The following CCDC92B variants were observed in gnomAD, a reference collection of about 807,000 sequenced individuals.
CCDC92B encodes the protein coiled-coil domain-containing 92B.
A neutral mutation model predicts 5.6 loss-of-function variants in CCDC92B; 2 were observed. The observed-to-expected ratio is 0.36, with a 90% CI of 0.15 to 1.12. CCDC92B has a LOEUF of 1.12. Among genes scored for constraint, CCDC92B ranks in the 50% most tolerant of loss-of-function variants. CCDC92B has a pLI of 0.40. For missense variants in CCDC92B, 271 were observed against 262.2 expected, an observed-to-expected ratio of 1.03 and a Z score of -0.23; for synonymous variants, 115 against 122.3, an observed-to-expected ratio of 0.94 and a Z score of 0.39.
At chr17:2,727,772 T>G (rs866923960) in intron 3 of CCDC92B, among the ~76,000 whole-genome samples, 1 of 148,454 alleles carries the variant, frequency 6.7e-6, no homozygotes, top group South Asian at 2.1e-4. Context: ...TGCAGTGAGC[T>G]GAGATCGCGC....
At chr17:2,732,742 G>C (rs373006554) in intron 2 of CCDC92B, among the ~76,000 whole-genome samples, 2 of 150,204 alleles carry the variant, frequency 1.3e-5, no homozygotes, top group African/African-American at 2.5e-5. Flanking sequence ...GGCCAGGCAC[G>C]GTGGCTCACG....
intron 3 of CCDC92B, among the ~76,000 whole-genome samples, chr17:2,727,473 G>A (rs934275234): frequency 6.6e-6 from 1 of 152,150 alleles, no homozygotes; most frequent in South Asian, 2.1e-4. Context: ...GTGTAGGGAC[G>A]TAGGCAGCCG....
chr17:2,742,941 C>A (rs921648761), intron 1 of CCDC92B, among the ~76,000 whole-genome samples: 1 of 152,190 alleles, frequency 6.6e-6, no homozygotes, highest in Non-Finnish European at 1.5e-5. Context: ...CATAGTCAAT[C>A]CATCTGCAAA....
intron 2 of CCDC92B, among the ~76,000 whole-genome samples, chr17:2,734,378 C>G (rs949054119): frequency 6.6e-6 from 1 of 152,080 alleles, no homozygotes. Context: ...CACCAGTTGG[C>G]CTGTGTGTCT....
intron 1 of CCDC92B, among the ~76,000 whole-genome samples, chr17:2,736,351 C>T (rs1314899359): frequency 2.0e-5 from 3 of 152,004 alleles, no homozygotes; most frequent in South Asian, 2.1e-4. Context: ...GGCTTGAACC[C>T]GGGAGGCGGA....
At chr17:2,736,473 G>A (rs1043562511) in intron 1 of CCDC92B, among the ~76,000 whole-genome samples, 1 of 151,690 alleles carries the variant, frequency 6.6e-6, no homozygotes, top group African/African-American at 2.4e-5. Flanking sequence ...TAGGCCAGCC[G>A]TGGTGGCTCA....
At chr17:2,731,587 C>T (rs1597237314) in intron 2 of CCDC92B, among the ~76,000 whole-genome samples, 1 of 152,230 alleles carries the variant, frequency 6.6e-6, no homozygotes, top group East Asian at 1.9e-4. Flanking sequence ...CCTCACTGCC[C>T]TCACCGGCTC....
intron 2 of CCDC92B, among the ~76,000 whole-genome samples, chr17:2,731,071 C>A (rs758156881): frequency 1.3e-5 from 2 of 152,316 alleles, no homozygotes; most frequent in South Asian, 4.1e-4. Context: ...CCTTCCCAAG[C>A]CCCAGTTGCG....
At position 2,724,074 on chromosome 17, in the gene CCDC92B, C is replaced by T; in HGVS notation, c.*337G>A. On this transcript the variant is annotated 3_prime_UTR_variant, in exon 4 of 4. Coordinates refer to ENST00000614400, the MANE Select transcript of CCDC92B (RefSeq NM_001355573.2). This position sits in a 1 kb window ranked among gnomAD's most constrained non-coding sequence, Gnocchi z 5.0. The stretch of plus-strand genomic sequence containing the variant: ...CCCTCCCCACCCCACCAAGGATTGT[C>T]GGCTTTCCCGGGGAAGGGCGTGGCC... 4.4e-6 allele frequency: 4 copies of T among 906,686 alleles called. No individual in the cohort carries two copies. The South Asian group carries it at 2.0e-4, about 46-fold the overall frequency. 56.2% of individuals were successfully genotyped at this position (906,686 alleles called of 1,614,324 possible). A position where few individuals can be genotyped will look rare whatever the true frequency, so the allele number is the denominator to read the frequency against.
chr17:2,749,217 A>C (rs1448495878), intron 1 of CCDC92B, among the ~76,000 whole-genome samples, 194 bp downstream of exon 1: 1 of 152,072 alleles, frequency 6.6e-6, no homozygotes, highest in African/African-American at 2.4e-5. Context: ...CGGCAGTGCC[A>C]GGCAGGGCCC....
rs527412406 is a variant in CCDC92B at position 2,749,080 on chromosome 17, G to C, written c.-24+331C>G. 2.6e-3 allele frequency among the ~76,000 whole-genome samples: 381 copies of C among 148,966 alleles called. 4 individuals carry two copies. Among genetic ancestry groups the C allele is most frequent in the South Asian group, 0.019 (93 of 4,778 alleles). On this transcript the variant is annotated intron_variant, in intron 1 of 3. Transcript: ENST00000614400. ...ATGACTCCCAGGGAAGGCAGGGGTT[G>C]GGGGGGGGATGTGGAGACTAAGGAG...
intron 2 of CCDC92B, among the ~76,000 whole-genome samples, chr17:2,731,844 T>C (rs1255697821): frequency 6.6e-6 from 1 of 152,256 alleles, no homozygotes; most frequent in African/African-American, 2.4e-5. Flanking sequence ...GGAGCAGGGA[T>C]ACCTTGGCTC....
At chr17:2,742,892 C>G (rs1281070059) in intron 1 of CCDC92B, among the ~76,000 whole-genome samples, 1 of 152,216 alleles carries the variant, frequency 6.6e-6, no homozygotes, top group East Asian at 1.9e-4. Flanking sequence ...CAGGCCAAAA[C>G]TTGGGAGTCA....
intron 1 of CCDC92B, among the ~76,000 whole-genome samples, chr17:2,741,524 C>CA (rs2070926167): frequency 6.6e-6 from 1 of 151,300 alleles, no homozygotes; most frequent in Non-Finnish European, 1.5e-5. Context: ...ACTAAAAATA[C>CA]AAAAACTACC....
rs2071013049 is a variant in CCDC92B, at chr17:2,748,405, C to T, written c.-24+1006G>A. 6 of 985,336 alleles carry T rather than the reference C, an allele frequency of 6.1e-6. No individual in the cohort carries two copies. In the South Asian group the frequency reaches 2.8e-4, roughly 46 times the overall value. 61.0% of individuals were successfully genotyped at this position (985,336 alleles called of 1,614,324 possible). The stretch of plus-strand genomic sequence containing the variant: ...GGAATCTGGGTGGCAGCTAGCACCA[C>T]AGTCTGCCATATTATCACTCTTTGT... On this transcript the variant is annotated intron_variant, in intron 1 of 3. Transcript: ENST00000614400.
intron 1 of CCDC92B, among the ~76,000 whole-genome samples, chr17:2,743,013 C>T (rs910779564): frequency 2.6e-5 from 4 of 152,218 alleles, no homozygotes; most frequent in Admixed American, 6.6e-5. Flanking sequence ...CTATCTCCAT[C>T]GTCATCACCC....
intron 1 of CCDC92B, among the ~76,000 whole-genome samples, chr17:2,740,080 T>C (rs995539274): frequency 6.6e-6 from 1 of 152,084 alleles, no homozygotes; most frequent in Non-Finnish European, 1.5e-5. Context: ...GAGGGGAACC[T>C]GCTTTAGATT....
chr17:2,741,558 A>T (rs2070926623), intron 1 of CCDC92B, among the ~76,000 whole-genome samples: 1 of 150,996 alleles, frequency 6.6e-6, no homozygotes, highest in South Asian at 2.1e-4. Flanking sequence ...GTCCACCTGT[A>T]GTCCTAGCTA....
chr17:2,736,761 A>C (rs530178350), intron 1 of CCDC92B, among the ~76,000 whole-genome samples: 1 of 151,236 alleles, frequency 6.6e-6, no homozygotes, highest in Admixed American at 6.6e-5. Context: ...GGTGCCTGTA[A>C]TCTCAGCTAC....
Sources: gnomAD v4.1 joint callset for allele counts (sites outside exome capture counted in the v4.1 genomes callset) on GRCh38, gnomAD v4.1.1 for gene constraint, Gnocchi (gnomAD v3.1) non-coding constraint, MANE v1.5 for transcripts, NCBI Gene and HGNC (gene_info 2026-07-23, HGNC 2026-07-21) for gene names.